The following PAFAH1B2 variants were observed in gnomAD, a reference collection of about 807,000 sequenced individuals.
PAFAH1B2 encodes the protein platelet-activating factor acetylhydrolase IB subunit alpha2.
Under a neutral mutation model 28.0 loss-of-function variants are expected in PAFAH1B2, and 8 were observed. The observed-to-expected ratio is 0.29, with a 90% CI of 0.17 to 0.52. The LOEUF (loss-of-function observed/expected upper bound fraction) is 0.52, where lower values mean the gene tolerates loss of function less well. Among genes scored for constraint, PAFAH1B2 ranks in the 20% least tolerant of loss-of-function variants. The probability of loss-of-function intolerance (pLI) is 0.97; values close to 1 mark genes in which losing one functional copy is unlikely to be tolerated. For synonymous variants in PAFAH1B2, 104 were observed against 103.2 expected (o/e 1.01, Z -0.05); for missense variants, 190 against 282.6 (o/e 0.67, Z 2.35).
chr11:117,164,411 A>C (rs904419481), intron 5 of PAFAH1B2, among the ~76,000 whole-genome samples: 2 of 151,760 alleles, frequency 1.3e-5, no homozygotes, highest in Non-Finnish European at 2.9e-5. Context: ...CGTCTCAAAA[A>C]AAAAAAGTAT....
chr11:117,145,724 C>T (rs1370326431), intron 1 of PAFAH1B2, among the ~76,000 whole-genome samples: 2 of 152,148 alleles, frequency 1.3e-5, no homozygotes, highest in East Asian at 1.9e-4. Flanking sequence ...CATACCCACT[C>T]CCTCTGAAAC....
intron 2 of PAFAH1B2, among the ~76,000 whole-genome samples, chr11:117,153,099 CT>C (rs1956188416): frequency 6.6e-6 from 1 of 152,122 alleles, no homozygotes; most frequent in South Asian, 2.1e-4. Context: ...AAACTGTAAC[CT>C]TGTGACCCGT....
At chr11:117,171,306 G>GT (rs1477329349), downstream of PAFAH1B2, among the ~76,000 whole-genome samples, 4 of 152,196 alleles carry the variant, frequency 2.6e-5, no homozygotes, top group African/African-American at 9.7e-5. Context: ...GATTGGAATA[G>GT]TTTTGCAGAT....
downstream of PAFAH1B2, among the ~76,000 whole-genome samples, chr11:117,174,735 C>T (rs1269089912): frequency 6.6e-6 from 1 of 152,152 alleles, no homozygotes; most frequent in African/African-American, 2.4e-5. Context: ...ACCTTGGCCT[C>T]CCAAAGTGCT....
chr11:117,165,436 T>C (rs1299447652), intron 5 of PAFAH1B2, among the ~76,000 whole-genome samples: 4 of 152,242 alleles, frequency 2.6e-5, no homozygotes, highest in African/African-American at 7.2e-5. Flanking sequence ...TTTAGTTCTT[T>C]AGTGAGATGG....
chr11:117,160,804 G>A (rs1194037500), intron 3 of PAFAH1B2, among the ~76,000 whole-genome samples: 1 of 149,832 alleles, frequency 6.7e-6, no homozygotes, highest in Non-Finnish European at 1.5e-5. Context: ...TTAAGCTCTA[G>A]CACTCTAAAT....
At chr11:117,167,166 A>G (rs777611312) in intron 5 of PAFAH1B2, among the ~76,000 whole-genome samples, 8 of 150,386 alleles carry the variant, frequency 5.3e-5, no homozygotes, top group Non-Finnish European at 8.8e-5. Context: ...AGATCTGGCT[A>G]AAGTATTTAG....
In PAFAH1B2 at chr11:117,169,055, T is replaced by A. The variant is rs1055876969; in HGVS notation, c.*1356T>A. 4.4e-6 allele frequency: 4 copies of A among 900,168 alleles called. No homozygotes were observed. In the African/African-American group the frequency reaches 7.1e-5, roughly 16 times the overall value. The allele number at this position is 900,168 out of a possible 1,614,324, so 55.8% of individuals were successfully genotyped here. On this transcript the variant is annotated 3_prime_UTR_variant, in exon 6 of 6. Transcript: ENST00000527958. ...ATCTGCCCGCCTTGGCCTCCCAAAGTGCTGGGATTACAGGCATGAGCCACC... is the reference window on the plus strand; with the variant it reads ...ATCTGCCCGCCTTGGCCTCCCAAAGAGCTGGGATTACAGGCATGAGCCACC...
At chr11:117,151,011 CCTT>C (rs1277093405) in intron 1 of PAFAH1B2, among the ~76,000 whole-genome samples, 2 of 150,988 alleles carry the variant, frequency 1.3e-5, no homozygotes, top group Non-Finnish European at 2.9e-5. Flanking sequence ...AAAAAGATGA[CCTT>C]CTTTTCTATA....
At chr11:117,146,288 T>A (rs2134160638) in intron 1 of PAFAH1B2, among the ~76,000 whole-genome samples, 1 of 151,940 alleles carries the variant, frequency 6.6e-6, no homozygotes, top group East Asian at 1.9e-4. Context: ...AGACGGGGTT[T>A]CGCCACGTTG....
chr11:117,172,648 A>G (rs1231902354), downstream of PAFAH1B2, among the ~76,000 whole-genome samples: 1 of 152,000 alleles, frequency 6.6e-6, no homozygotes, highest in Non-Finnish European at 1.5e-5. Flanking sequence ...GTTTTTGCCC[A>G]TAGTTGGGAG....
chr11:117,158,207 T>A, intron 2 of PAFAH1B2, among the ~76,000 whole-genome samples: 1 of 152,234 alleles, frequency 6.6e-6, no homozygotes, highest in East Asian at 1.9e-4. Context: ...TTCTTTTTTC[T>A]TTCTTTCTTT....
chr11:117,150,340 G>T (rs1304722893), intron 1 of PAFAH1B2, among the ~76,000 whole-genome samples: 3 of 152,042 alleles, frequency 2.0e-5, no homozygotes, highest in African/African-American at 7.2e-5. Flanking sequence ...GTAGAGACGG[G>T]GGTTTCACCA....
At position 117,163,709 on chromosome 11, in the gene PAFAH1B2, G is replaced by A. The variant is rs115713103; in HGVS notation, c.289-61G>A. The A allele has an allele frequency of 1.3e-3, 1,903 of 1,471,462 alleles. 26 individuals are homozygous for A. In the African/African-American group the frequency reaches 0.025, roughly 19 times the overall value. The allele number at this position is 1,471,462 out of a possible 1,614,324, so 91.2% of individuals were successfully genotyped here. On this transcript the variant is annotated intron_variant, in intron 4 of 5. Transcript: ENST00000527958. Reference sequence around the variant, plus strand: ...AAAAAAAGATTTTCATCTAAATGTTGGACGTTCCTTTGTTCCTGGGTATTT... The same window carrying A: ...AAAAAAAGATTTTCATCTAAATGTTAGACGTTCCTTTGTTCCTGGGTATTT...
chr11:117,145,375 A>G (rs1236084952), intron 1 of PAFAH1B2, among the ~76,000 whole-genome samples: 13 of 152,142 alleles, frequency 8.5e-5, no homozygotes. Context: ...ACCCGTAGAG[A>G]AAGGAAAGAC....
Position 117,168,467 on chromosome 11 carries a change from T to TTTTTTTTTTTTC in PAFAH1B2, c.*772_*773insTTTTTTTCTTTT, listed in dbSNP as rs1956570642. ...CCCCGTTTTTTTTTTTTTTTTTTTT[T>TTTTTTTTTTTTC]TTTTGGTTCTTGTTGACATTACAAG... is the stretch of plus-strand genomic sequence containing the variant. On this transcript the variant is annotated 3_prime_UTR_variant, in exon 6 of 6. Coordinates refer to ENST00000527958, the MANE Select transcript of PAFAH1B2 (RefSeq NM_002572.4). 1.0e-6 allele frequency: 1 copy of TTTTTTTTTTTTC among 996,114 alleles called. No homozygotes were observed. The highest frequency in any genetic ancestry group is 1.2e-6 in the Non-Finnish European group (1 of 832,240). The allele number at this position is 996,114 out of a possible 1,614,324, so 61.7% of individuals were successfully genotyped here.
Position 117,159,939 on chromosome 11 carries a change from C to T in PAFAH1B2, c.87C>T (p.Asn29=), listed in dbSNP as rs923102210. ...QGDDRWMSQH[N]RFVLDCKDKE... is the part of the protein sequence containing the mutation. ...TTTTTTCTTCTTCAAACCAGCACAA[C>T]AGATTTGTTTTGGACTGTAAAGACA... Residue 29 remains asparagine, a synonymous_variant, in exon 3 of 6, where the codon AAC becomes AAT. Coordinates refer to ENST00000527958, the MANE Select transcript of PAFAH1B2 (RefSeq NM_002572.4). 4 of 1,612,224 alleles carry T rather than the reference C, an allele frequency of 2.5e-6. No homozygotes were observed. Among genetic ancestry groups the T allele is most frequent in the African/African-American group, 1.3e-5 (1 of 74,734 alleles).
At position 117,145,447 on chromosome 11, in the gene PAFAH1B2, C is replaced by CGG. The variant is rs11420191; in HGVS notation, c.-8+1033_-8+1034dup. Among the ~76,000 whole-genome samples, 1,029 of 152,088 alleles carry CGG rather than the reference C, an allele frequency of 6.8e-3. 14 individuals carry two copies. The highest frequency in any genetic ancestry group is 0.024 in the African/African-American group (979 of 41,470). ...TTGAAATTATGGGAAGGGGTTGGGC[C>CGG]GGGGGTAAAGGTGTGGAGAAAGTGG... On this transcript the variant is annotated intron_variant, in intron 1 of 5. Coordinates refer to ENST00000527958, the MANE Select transcript of PAFAH1B2 (RefSeq NM_002572.4).
chr11:117,149,485 G>A (rs995756259), intron 1 of PAFAH1B2, among the ~76,000 whole-genome samples: 10 of 127,102 alleles, frequency 7.9e-5, no homozygotes, highest in East Asian at 7.0e-4. Context: ...GGAGTGCAGT[G>A]GCACGATCTC....
Sources: gnomAD v4.1 joint callset for allele counts (sites outside exome capture counted in the v4.1 genomes callset) on GRCh38, gnomAD v4.1.1 for gene constraint, MANE v1.5 for transcripts, NCBI Gene and HGNC (gene_info 2026-07-23, HGNC 2026-07-21) for gene names.